Variants in PSD3 observed in about 807,000 individuals in gnomAD.
PSD3 encodes pleckstrin and Sec7 domain containing 3, also known as PH and SEC7 domain-containing protein 3.
In PSD3, 49 loss-of-function variants were observed where a neutral mutation model predicts 105.5. That is an observed-to-expected ratio of 0.46 (90% CI 0.37 to 0.59). The LOEUF is 0.59. PSD3 is among the 20% of genes least tolerant of loss of function. The pLI, the probability that PSD3 is intolerant of heterozygous loss-of-function variation, is 0.00. For synonymous variants in PSD3, 557 were observed against 457.8 expected, an observed-to-expected ratio of 1.22 and a Z score of -2.77; for missense variants, 1,561 against 1,263.8, an observed-to-expected ratio of 1.24 and a Z score of -3.57.
chr8:18,830,489 G>C (rs1010064617), intron 4 of PSD3, among the ~76,000 whole-genome samples: 6 of 152,108 alleles, frequency 3.9e-5, no homozygotes, highest in Admixed American at 6.5e-5. Flanking sequence ...TTTCCCAGGA[G>C]GACACAGAAC....
At position 18,925,690 on chromosome 8, in the gene PSD3, T is replaced by C. The variant is rs1452382739; in HGVS notation, c.130+10344A>G. On this transcript the variant is annotated intron_variant, in intron 2 of 15. Coordinates refer to ENST00000327040, the MANE Select transcript of PSD3 (RefSeq NM_015310.4). ...GGACTACAGCAGGGTACATTCATAA[T>C]AGAACAAGAAATCATGCCAGTTTAT... Among the ~76,000 whole-genome samples the C allele has an allele frequency of 3.3e-5, 5 of 152,124 alleles. No individual in the cohort carries two copies. In the South Asian group the frequency reaches 1.0e-3, roughly 32 times the overall value.
At chr8:18,860,773 A>T (rs1816378443) in intron 4 of PSD3, among the ~76,000 whole-genome samples, 1 of 152,174 alleles carries the variant, frequency 6.6e-6, no homozygotes, top group South Asian at 2.1e-4. Flanking sequence ...TAAAAGTTAA[A>T]TATTGTACTG....
intron 9 of PSD3, among the ~76,000 whole-genome samples, chr8:18,746,361 G>A (rs532288598): frequency 2.0e-5 from 3 of 152,194 alleles, no homozygotes; most frequent in South Asian, 2.1e-4. Context: ...TTCATAACTC[G>A]AAAACATTCT....
At chr8:18,737,394 T>C (rs911473617) in intron 9 of PSD3, among the ~76,000 whole-genome samples, 1 of 152,186 alleles carries the variant, frequency 6.6e-6, no homozygotes, top group African/African-American at 2.4e-5. Context: ...TGCATGCTCA[T>C]GGCTCATGCA....
chr8:18,620,828 C>T (rs181118002), intron 11 of PSD3, among the ~76,000 whole-genome samples: 110 of 152,244 alleles, frequency 7.2e-4, no homozygotes, highest in African/African-American at 2.3e-3. Flanking sequence ...GAAACTAGTA[C>T]GGTATTTTTA....
intron 1 of PSD3, among the ~76,000 whole-genome samples, chr8:19,020,186 G>C (rs982478750): frequency 6.6e-6 from 1 of 152,172 alleles, no homozygotes; most frequent in Non-Finnish European, 1.5e-5. Flanking sequence ...AGCTTGGGAA[G>C]ACAGAAAATA....
At chr8:18,872,832 T>C (rs1266836534) in intron 2 of PSD3, 99 bp from the exon 3 acceptor site, 14 of 1,175,978 alleles carry the variant, frequency 1.2e-5, no homozygotes, top group Non-Finnish European at 1.7e-5. Flanking sequence ...CAATAATACT[T>C]ATTAACTTGA....
chr8:18,974,174 T>C (rs1392813580), intron 1 of PSD3, among the ~76,000 whole-genome samples: 21 of 152,242 alleles, frequency 1.4e-4, no homozygotes, highest in Non-Finnish European at 2.9e-4. Context: ...TCAGAGTTAA[T>C]CTTCACTTCA....
intron 9 of PSD3, among the ~76,000 whole-genome samples, chr8:18,756,317 T>C (rs1363205651): frequency 6.6e-6 from 1 of 152,198 alleles, no homozygotes; most frequent in African/African-American, 2.4e-5. Context: ...TTCAGGCTTT[T>C]CCTTTATAAA....
At chr8:19,032,213 A>G (rs1176220467) in intron 1 of PSD3, among the ~76,000 whole-genome samples, 1 of 152,148 alleles carries the variant, frequency 6.6e-6, no homozygotes, top group Non-Finnish European at 1.5e-5. Context: ...TTGTTGAGGA[A>G]TTTTTATTTT....
At chr8:18,632,948 T>C in intron 10 of PSD3, 142 bp from the exon 11 acceptor site, 4 of 656,248 alleles carry the variant, frequency 6.1e-6, no homozygotes, top group Non-Finnish European at 1.0e-5. Flanking sequence ...ACAGACACCA[T>C]TTGTTAAATG....
chr8:18,629,312 A>G (rs1209300104), intron 11 of PSD3, among the ~76,000 whole-genome samples: 2 of 152,024 alleles, frequency 1.3e-5, no homozygotes, highest in African/African-American at 4.8e-5. Flanking sequence ...TTAAAGATAT[A>G]TTTAGCATAT....
At chr8:19,067,268 C>T (rs1350360638) in intron 1 of PSD3, among the ~76,000 whole-genome samples, 1 of 152,130 alleles carries the variant, frequency 6.6e-6, no homozygotes, top group Non-Finnish European at 1.5e-5. Context: ...AATTTCCATG[C>T]CCTCTTGCGT....
At chr8:18,949,972 A>G (rs572805757) in intron 1 of PSD3, among the ~76,000 whole-genome samples, 6 of 152,206 alleles carry the variant, frequency 3.9e-5, no homozygotes, top group Non-Finnish European at 7.3e-5. Flanking sequence ...TCATTCTTCA[A>G]AATGTCATGA....
chr8:18,752,592 ATTATATATT>A (rs1563225708), intron 9 of PSD3, among the ~76,000 whole-genome samples: 845 of 83,998 alleles, frequency 0.01, 51 homozygotes, highest in African/African-American at 0.048. Flanking sequence ...TATATTATAT[ATTATATATT>A]ATATATAATA....
At chr8:19,066,777 C>T (rs1829088312) in intron 1 of PSD3, among the ~76,000 whole-genome samples, 2 of 152,172 alleles carry the variant, frequency 1.3e-5, no homozygotes, top group Non-Finnish European at 2.9e-5. Context: ...ACAACATGCC[C>T]ACCCACCCAT....
intron 1 of PSD3, among the ~76,000 whole-genome samples, chr8:18,946,987 C>G (rs1822902894): frequency 6.6e-6 from 1 of 151,458 alleles, no homozygotes; most frequent in Non-Finnish European, 1.5e-5. Context: ...ATATATTTGA[C>G]ATACACCTGC....
intron 2 of PSD3, among the ~76,000 whole-genome samples, chr8:18,922,610 ACAGTATTAGATCCCACGGGTTGGGGACT>A (rs1165283961): frequency 6.6e-6 from 1 of 152,096 alleles, no homozygotes; most frequent in Non-Finnish European, 1.5e-5. Flanking sequence ...CTAACTCGAG[ACAGTATTAGATCCCACGGGTTGGGGACT>A]CAGTCTCCAA....
intron 10 of PSD3, among the ~76,000 whole-genome samples, chr8:18,636,287 GT>G (rs1807252291): frequency 2.0e-5 from 3 of 151,720 alleles, no homozygotes; most frequent in Admixed American, 1.3e-4. Context: ...TAACAAAAAA[GT>G]TTTTAAAAGT....
Sources: allele counts gnomAD v4.1 joint callset (sites outside exome capture counted in the v4.1 genomes callset), GRCh38; gene constraint gnomAD v4.1.1; transcripts MANE v1.5; gene names NCBI Gene and HGNC (gene_info 2026-07-23, HGNC 2026-07-21).